Variants in SUMF2 observed in about 807,000 individuals in gnomAD.
SUMF2 encodes the protein sulfatase modifying factor 2, also known as inactive C-alpha-formylglycine-generating enzyme 2.
SUMF2 carries 45 observed loss-of-function variants against 44.8 expected under a neutral mutation model. The ratio of observed to expected loss-of-function variants is 1.00; its 90% CI spans 0.79 to 1.29. SUMF2 has a LOEUF of 1.29. SUMF2 is among the 50% of genes most tolerant of loss of function. The probability of loss-of-function intolerance (pLI) is 0.00; values close to 1 mark genes in which losing one functional copy is unlikely to be tolerated. For missense variants in SUMF2, 418 were observed against 389.9 expected (o/e 1.07, Z -0.61); for synonymous variants, 148 against 150.4 (o/e 0.98, Z 0.12).
intron 1 of SUMF2, among the ~76,000 whole-genome samples, chr7:56,065,116 C>T (rs1484528667): frequency 2.7e-5 from 4 of 150,040 alleles, no homozygotes; most frequent in African/African-American, 4.9e-5. Context: ...GGCGTGAACC[C>T]CGGGGGGTGG....
downstream of SUMF2, chr7:56,081,896 G>A (rs200728838): frequency 1.2e-6 from 2 of 1,613,420 alleles, no homozygotes; most frequent in Non-Finnish European, 1.7e-6. This position sits in a 1 kb window ranked among gnomAD's most constrained non-coding sequence, Gnocchi z 4.6. Context: ...CTCTCACCAG[G>A]TCCTTCACGG....
Position 56,078,091 on chromosome 7 carries a change from T to C in SUMF2, c.592-11T>C, listed in dbSNP as rs1795687492. On this transcript the variant is annotated splice_polypyrimidine_tract_variant and intron_variant, in intron 6 of 8. Transcript: ENST00000434526. ...GGTGGTAAATCCTTTACCCTTCCTTTCTCCCATCAGGGAAAGTTCCCCAAG... is the reference window on the plus strand; with the variant it reads ...GGTGGTAAATCCTTTACCCTTCCTTCCTCCCATCAGGGAAAGTTCCCCAAG... 1 of 1,605,332 alleles carries C rather than the reference T, an allele frequency of 6.2e-7. No homozygotes were observed. Among genetic ancestry groups the C allele is most frequent in the Non-Finnish European group, 8.5e-7 (1 of 1,173,346 alleles).
intron 7 of SUMF2, 24 bp from the exon 8 acceptor site, chr7:56,078,340 C>G (rs1296686544): frequency 6.3e-7 from 1 of 1,578,534 alleles, no homozygotes. Context: ...CCCAGCCTGG[C>G]CTGACCCGCC....
chr7:56,084,305 AAG>A (rs1039336320), downstream of SUMF2: 3 of 971,082 alleles, frequency 3.1e-6, no homozygotes, highest in Admixed American at 2.0e-5. Context: ...TGGAGGCTGA[AAG>A]AGGGGACTAT....
Position 56,078,365 on chromosome 7 carries a change from G to T in SUMF2, c.678G>T (p.Gly226=). Residue 226 remains glycine, a splice_region_variant and synonymous_variant, in exon 8 of 9, where the codon GGG becomes GGT. Coordinates refer to ENST00000434526, the MANE Select transcript of SUMF2 (RefSeq NM_015411.4). ...CCTGACCCGCCGGTGGGGCTGCAGG[G>T]CTCTATGACCTCCTGGGGAACGTGT... ...VNAFPAQNNY[G]LYDLLGNVWE... 6.2e-7 allele frequency: 1 copy of T among 1,602,992 alleles called. No individual in the cohort carries two copies. Among genetic ancestry groups the T allele is most frequent in the Non-Finnish European group, 8.5e-7 (1 of 1,173,452 alleles).
chr7:56,084,349 C>A, downstream of SUMF2: 5 of 583,654 alleles, frequency 8.6e-6, no homozygotes, highest in East Asian at 3.2e-5. Context: ...AGACCCAGAT[C>A]AGAAGGACGT....
Position 56,064,343 on chromosome 7 carries a change from T to C in SUMF2, c.32T>C (p.Leu11Pro). The change falls in exon 1 of 9, where the codon CTG becomes CCG. Residue 11 changes from leucine to proline, a missense_variant. Physicochemically the swap from Leu to Pro is moderately conservative, Grantham distance 98. Coordinates refer to ENST00000434526, the MANE Select transcript of SUMF2 (RefSeq NM_015411.4). Reference sequence around the variant, plus strand: ...CGGCATGGGTTACCGCTGCTGCCCCTGCTGTCGCTCCTGGTCGGCGCGTGG... The same window carrying C: ...CGGCATGGGTTACCGCTGCTGCCCCCGCTGTCGCTCCTGGTCGGCGCGTGG... MARHGLPLLP[L>P]LSLLVGAWLK... The C allele has an allele frequency of 1.2e-6, 2 of 1,602,850 alleles. No homozygotes were observed. Among genetic ancestry groups the C allele is most frequent in the African/African-American group, 1.3e-5 (1 of 74,930 alleles).
chr7:56,072,983 C>T lies in SUMF2; in HGVS notation c.225-14C>T, dbSNP rs756497437. On this transcript the variant is annotated splice_polypyrimidine_tract_variant and intron_variant, in intron 2 of 8. Coordinates refer to ENST00000434526, the MANE Select transcript of SUMF2 (RefSeq NM_015411.4). ...AACCTCACCAGCTGAACCAGCTGAA[C>T]TATGTCTTTATAGGGATTTTGTCAG... The T allele has an allele frequency of 1.2e-5, 20 of 1,607,162 alleles. No homozygotes were observed. The highest frequency in any genetic ancestry group is 1.6e-5 in the Non-Finnish European group (19 of 1,174,040).
chr7:56,068,750 C>T (rs2117408979), intron 2 of SUMF2, 112 bp downstream of exon 2: 3 of 1,317,050 alleles, frequency 2.3e-6, no homozygotes, highest in South Asian at 2.8e-5. Flanking sequence ...CACCCAGGTG[C>T]TGGAGTGCAG....
downstream of SUMF2, chr7:56,083,487 G>T: frequency 6.2e-7 from 1 of 1,603,964 alleles, no homozygotes; most frequent in South Asian, 1.1e-5. Context: ...CTCAGGGTCA[G>T]GTAACAGGCA....
chr7:56,079,271 G>A, intron 8 of SUMF2: 1 of 559,254 alleles, frequency 1.8e-6, no homozygotes, highest in Non-Finnish European at 3.2e-6. Flanking sequence ...CTTCAGTGCT[G>A]TCTCTTGGGG....
intron 5 of SUMF2, 70 bp downstream of exon 5, chr7:56,074,806 G>T: frequency 1.9e-6 from 3 of 1,589,414 alleles, no homozygotes; most frequent in Non-Finnish European, 1.7e-6. Flanking sequence ...GGCTTTAAAG[G>T]GTGGAAAGGG....
At chr7:56,082,709 G>T (rs1271277484), downstream of SUMF2, among the ~76,000 whole-genome samples, 1 of 152,164 alleles carries the variant, frequency 6.6e-6, no homozygotes, top group Non-Finnish European at 1.5e-5. Flanking sequence ...GCGGGATACT[G>T]CCCACAGGGC....
the SUMF2 span, chr7:56,086,918 C>G: frequency 5.8e-5 from 82 of 1,409,684 alleles, no homozygotes; most frequent in African/African-American, 8.5e-5. Context: ...GGGGAGGGGA[C>G]AGCAGTCGGA....
chr7:56,084,043 A>G (rs1322189858), downstream of SUMF2: 1 of 660,998 alleles, frequency 1.5e-6, no homozygotes, highest in Non-Finnish European at 2.6e-6. Context: ...GCATTTCTTC[A>G]GCTAAGTCCC....
At chr7:56,087,817 CCCCATGG>C in the SUMF2 span, 6 of 1,548,462 alleles carry the variant, frequency 3.9e-6, no homozygotes, top group Non-Finnish European at 5.3e-6. Flanking sequence ...GGGCCCCTCA[CCCCATGG>C]GGGGTCCCAG....
chr7:56,083,220 G>A (rs1796099912), downstream of SUMF2: 1 of 1,480,904 alleles, frequency 6.8e-7, no homozygotes, highest in African/African-American at 1.4e-5. Context: ...TCTCTATTCT[G>A]CAGATGGTTG....
chr7:56,087,468 G>A, the SUMF2 span: 62 of 789,116 alleles, frequency 7.9e-5, no homozygotes, highest in African/African-American at 1.0e-3. Context: ...GAGCAGTGAG[G>A]GTGGAGCTGG....
At chr7:56,066,582 G>C (rs1794818633) in intron 1 of SUMF2, among the ~76,000 whole-genome samples, 2 of 152,030 alleles carry the variant, frequency 1.3e-5, no homozygotes, top group African/African-American at 4.8e-5. Context: ...GGAGTAGTTG[G>C]GATTACAGGT....
Sources: allele counts gnomAD v4.1 joint callset (sites outside exome capture counted in the v4.1 genomes callset), GRCh38; gene constraint gnomAD v4.1.1; non-coding constraint Gnocchi (gnomAD v3.1); transcripts MANE v1.5; gene names NCBI Gene and HGNC (gene_info 2026-07-23, HGNC 2026-07-21).